The following RTL4 variants were observed in gnomAD, a reference collection of about 807,000 sequenced individuals.
The protein encoded by RTL4 is retrotransposon Gag-like protein 4.
A neutral mutation model predicts 5.3 loss-of-function variants in RTL4; 4 were observed. The observed-to-expected ratio is 0.75, with a 90% CI of 0.37 to 1.72. RTL4 has a LOEUF of 1.72. Ranked by LOEUF, RTL4 falls within the 40% of genes most tolerant of loss-of-function variation. The pLI is 0.04. For missense variants in RTL4, 260 were observed against 227.1 expected (o/e 1.14, Z -0.93); for synonymous variants, 98 against 87.3 (o/e 1.12, Z -0.68).
At chrX:112,098,959 A>G in the RTL4 span, among the ~76,000 whole-genome samples, 2 of 112,181 alleles carry the variant, frequency 1.8e-5, no homozygotes, top group African/African-American at 6.5e-5. Context: ...AATACCATTC[A>G]GGACATAGGC....
At chrX:112,092,808 ATAAGATGTGAC>A in the RTL4 span, among the ~76,000 whole-genome samples, 3 of 111,246 alleles carry the variant, frequency 2.7e-5, no homozygotes, top group Non-Finnish European at 5.7e-5. Context: ...TGCCATCCAC[ATAAGATGTGAC>A]TTGCTCTTCC....
At chrX:112,419,021 T>A in the RTL4 span, among the ~76,000 whole-genome samples, 146 of 72,720 alleles carry the variant, frequency 2.0e-3, no homozygotes, top group African/African-American at 6.9e-3. Context: ...GCAAAAAAAA[T>A]TTCACATAAG....
the RTL4 span, among the ~76,000 whole-genome samples, chrX:112,263,222 G>A: frequency 9.4e-6 from 1 of 105,968 alleles, no homozygotes; most frequent in Non-Finnish European, 1.9e-5. Context: ...AAAAGAAGCA[G>A]TAAATCAGTA....
At chrX:112,427,142 A>G in the RTL4 span, among the ~76,000 whole-genome samples, 1 of 111,500 alleles carries the variant, frequency 9.0e-6, no homozygotes, top group Non-Finnish European at 1.9e-5. Flanking sequence ...ACAAGCAAAG[A>G]AAACTGAGGC....
the RTL4 span, among the ~76,000 whole-genome samples, chrX:112,257,070 C>T: frequency 9.0e-6 from 1 of 111,664 alleles, no homozygotes; most frequent in East Asian, 2.8e-4. Flanking sequence ...CACTTTAATG[C>T]AAATATTTCA....
the RTL4 span, among the ~76,000 whole-genome samples, chrX:112,141,315 T>C: frequency 5.4e-5 from 6 of 112,146 alleles, no homozygotes; most frequent in Admixed American, 1.9e-4. Flanking sequence ...TTTTTGTAGA[T>C]TGAATTGAAT....
the RTL4 span, among the ~76,000 whole-genome samples, chrX:112,359,026 A>G: frequency 9.8e-5 from 11 of 111,773 alleles, no homozygotes; most frequent in African/African-American, 3.2e-4. Flanking sequence ...GTTGCTGGAG[A>G]GGCACATAAC....
At chrX:112,204,457 A>G in the RTL4 span, among the ~76,000 whole-genome samples, 1 of 112,405 alleles carries the variant, frequency 8.9e-6, no homozygotes, top group Non-Finnish European at 1.9e-5. Flanking sequence ...AATATGTAGT[A>G]CTTATATACA....
the RTL4 span, among the ~76,000 whole-genome samples, chrX:112,387,195 AT>A: frequency 9.8e-5 from 10 of 102,530 alleles, no homozygotes; most frequent in Non-Finnish European, 1.4e-4. Context: ...CCACTTTTTG[AT>A]TTTTTTTTTC....
the RTL4 span, among the ~76,000 whole-genome samples, chrX:112,231,320 C>G: frequency 9.1e-6 from 1 of 110,019 alleles, no homozygotes; most frequent in Admixed American, 9.7e-5. Flanking sequence ...TTGGAACCAA[C>G]CCAAATGTCC....
the RTL4 span, among the ~76,000 whole-genome samples, chrX:112,429,752 T>C: frequency 1.8e-5 from 2 of 110,958 alleles, no homozygotes; most frequent in African/African-American, 6.5e-5. Flanking sequence ...TTTCCTCAAT[T>C]TTTTTTTCAT....
At chrX:112,413,720 G>A in the RTL4 span, among the ~76,000 whole-genome samples, 10 of 110,688 alleles carry the variant, frequency 9.0e-5, no homozygotes, top group Admixed American at 9.7e-4. Context: ...TGACAGGTGG[G>A]GAGAAAGTGA....
the RTL4 span, among the ~76,000 whole-genome samples, chrX:112,128,260 C>A: frequency 9.0e-6 from 1 of 111,596 alleles, no homozygotes; most frequent in East Asian, 2.8e-4. Context: ...CAGAAATAAA[C>A]CTGTACATTT....
chrX:112,277,971 C>G, the RTL4 span, among the ~76,000 whole-genome samples: 1 of 111,854 alleles, frequency 8.9e-6, no homozygotes, highest in African/African-American at 3.2e-5. Flanking sequence ...TTATATAGAG[C>G]ACTGTTTAAC....
the RTL4 span, among the ~76,000 whole-genome samples, chrX:112,086,358 G>C: frequency 8.9e-6 from 1 of 112,443 alleles, no homozygotes; most frequent in Non-Finnish European, 1.9e-5. Context: ...CTAACTACTT[G>C]CATGCTAGAG....
At chrX:112,169,491 A>G in the RTL4 span, among the ~76,000 whole-genome samples, 2 of 111,222 alleles carry the variant, frequency 1.8e-5, no homozygotes, top group East Asian at 2.8e-4. Flanking sequence ...TAAAACTGCC[A>G]TGTTGGTATG....
chrX:112,231,493 T>G, the RTL4 span, among the ~76,000 whole-genome samples: 4 of 101,301 alleles, frequency 3.9e-5, no homozygotes, highest in Admixed American at 3.4e-4. Context: ...ACACTGCATG[T>G]TCTCACTCAT....
At chrX:112,327,780 G>A in the RTL4 span, among the ~76,000 whole-genome samples, 5 of 111,530 alleles carry the variant, frequency 4.5e-5, no homozygotes, top group Admixed American at 1.9e-4. Flanking sequence ...ACCTCAAAGG[G>A]AAGCCCATCA....
chrX:112,139,244 C>T, the RTL4 span, among the ~76,000 whole-genome samples: 4 of 111,313 alleles, frequency 3.6e-5, no homozygotes, highest in Non-Finnish European at 3.8e-5. Flanking sequence ...TAACCTTGAT[C>T]ACTTGGTTAA....
Sources: allele counts gnomAD v4.1 joint callset (sites outside exome capture counted in the v4.1 genomes callset), GRCh38; gene constraint gnomAD v4.1.1; transcripts MANE v1.5; gene names NCBI Gene and HGNC (gene_info 2026-07-23, HGNC 2026-07-21).